DMD: variants seen among roughly 807,000 people sequenced by gnomAD.
DMD encodes the protein dystrophin.
In DMD, 63 loss-of-function variants were observed where a neutral mutation model predicts 330.1. That is an observed-to-expected ratio of 0.19 (90% confidence interval 0.16 to 0.24). The LOEUF is 0.24. Among genes scored for constraint, DMD ranks in the 10% least tolerant of loss-of-function variants. The probability of loss-of-function intolerance (pLI) is 1.00; values close to 1 mark genes in which losing one functional copy is unlikely to be tolerated. For missense variants in DMD, 3,344 were observed against 2,684.1 expected (o/e 1.25, Z -5.43); for synonymous variants, 1,223 against 959.8 (o/e 1.27, Z -5.07).
intron 43 of DMD, among the ~76,000 whole-genome samples, chrX:32,233,528 TA>T (rs10710940): frequency 0.39 from 42,423 of 109,828 alleles, 6,400 homozygotes; most frequent in African/African-American, 0.46. Context: ...TACAATAAAT[TA>T]AAAAAACTTC....
intron 18 of DMD, among the ~76,000 whole-genome samples, chrX:32,503,080 A>G (rs1276502035): frequency 8.9e-6 from 1 of 112,510 alleles, no homozygotes; most frequent in Non-Finnish European, 1.9e-5. Context: ...TACAGCGCAG[A>G]TCTAATACAT....
chrX:31,598,126 A>T (rs2077192607), intron 55 of DMD, among the ~76,000 whole-genome samples: 1 of 107,684 alleles, frequency 9.3e-6, no homozygotes, highest in African/African-American at 3.4e-5. Context: ...TTTTTAATTG[A>T]GAGAGAGAGG....
At chrX:31,792,725 T>A (rs2091633441) in intron 50 of DMD, among the ~76,000 whole-genome samples, 1 of 111,718 alleles carries the variant, frequency 9.0e-6, no homozygotes, top group Non-Finnish European at 1.9e-5. Flanking sequence ...CTGGAGTGCA[T>A]GAGCACTGGA....
intron 29 of DMD, among the ~76,000 whole-genome samples, chrX:32,427,797 T>C (rs1263839294): frequency 9.0e-6 from 1 of 111,483 alleles, no homozygotes; most frequent in Non-Finnish European, 1.9e-5. Context: ...AATTTGTGAT[T>C]AAATTTCTGT....
chrX:31,139,508 C>T (rs901777717), intron 76 of DMD, among the ~76,000 whole-genome samples: 1 of 108,088 alleles, frequency 9.3e-6, no homozygotes, highest in Non-Finnish European at 1.9e-5. Flanking sequence ...CACACACACA[C>T]GCCATGGAAT....
chrX:32,097,054 A>AT (rs199593842), intron 44 of DMD, among the ~76,000 whole-genome samples: 206 of 111,039 alleles, frequency 1.9e-3, no homozygotes, highest in East Asian at 0.016. Flanking sequence ...ATTAATGAAC[A>AT]TTTTTTTTGG....
At chrX:32,732,715 G>C (rs892405440) in intron 7 of DMD, among the ~76,000 whole-genome samples, 2 of 110,738 alleles carry the variant, frequency 1.8e-5, no homozygotes, top group East Asian at 2.8e-4. Flanking sequence ...CAAATGCTGA[G>C]AGATTTTGTC....
At chrX:32,917,872 A>C (rs1480670742) in intron 2 of DMD, among the ~76,000 whole-genome samples, 2 of 110,858 alleles carry the variant, frequency 1.8e-5, no homozygotes, top group African/African-American at 6.6e-5. Flanking sequence ...GCTCTGCCTG[A>C]CAAGAAGGAA....
At chrX:32,575,118 G>A (rs2052886961) in intron 13 of DMD, among the ~76,000 whole-genome samples, 1 of 110,560 alleles carries the variant, frequency 9.0e-6, no homozygotes, top group Admixed American at 9.6e-5. Flanking sequence ...GGCTGCTCTC[G>A]AACTCCTGAC....
intron 25 of DMD, among the ~76,000 whole-genome samples, chrX:32,461,984 A>C: frequency 9.1e-6 from 1 of 110,226 alleles, no homozygotes; most frequent in Non-Finnish European, 1.9e-5. Context: ...TTTCATTTTC[A>C]AATGTAGCTT....
chrX:32,580,684 A>G (rs770857784), intron 13 of DMD, among the ~76,000 whole-genome samples: 69 of 112,200 alleles, frequency 6.1e-4, no homozygotes, highest in Non-Finnish European at 1.1e-3. Context: ...AATATAGAAC[A>G]CAGTGAAACA....
rs1424307939 is a variant in DMD, at chrX:32,208,904, G to T, written c.6438+8012C>A. On this transcript the variant is annotated intron_variant, in intron 44 of 78. Transcript: ENST00000357033. ...TTTAAGTGCTCTGTACACAGAAGAG[G>T]TGAAGGAAGCTCAATGTAAGAGAGA... 3.6e-5 allele frequency among the ~76,000 whole-genome samples: 4 copies of T among 111,711 alleles called. No individual in the cohort carries two copies. The East Asian group carries it at 1.1e-3, about 31-fold the overall frequency.
chrX:32,677,036 GTTTT>G (rs2062019422), intron 9 of DMD, among the ~76,000 whole-genome samples: 1 of 110,983 alleles, frequency 9.0e-6, no homozygotes, highest in Non-Finnish European at 1.9e-5. Context: ...TAAATTACAT[GTTTT>G]ATTTATTTTT....
At chrX:32,510,740 C>G (rs228324) in intron 18 of DMD, among the ~76,000 whole-genome samples, 1 of 110,199 alleles carries the variant, frequency 9.1e-6, no homozygotes, top group Non-Finnish European at 1.9e-5. Context: ...TACATGGGGA[C>G]AGGTGCTGCA....
chrX:31,663,377 T>C (rs1335688132), intron 53 of DMD, among the ~76,000 whole-genome samples: 1 of 111,063 alleles, frequency 9.0e-6, no homozygotes, highest in Non-Finnish European at 1.9e-5. Flanking sequence ...CACTGTCCTC[T>C]GTTGGGTTTG....
intron 1 of DMD, among the ~76,000 whole-genome samples, chrX:33,231,254 T>C (rs956170531): frequency 1.8e-5 from 2 of 111,307 alleles, no homozygotes; most frequent in Non-Finnish European, 3.8e-5. Context: ...GTCATATGAT[T>C]CCTGATTTAA....
chrX:31,866,454 C>A (rs994021066), intron 48 of DMD, among the ~76,000 whole-genome samples: 6 of 112,001 alleles, frequency 5.4e-5, no homozygotes, highest in Non-Finnish European at 1.1e-4. Context: ...TTTTAGAACA[C>A]AGCCTCCATA....
At chrX:31,900,577 G>A (rs767780549) in intron 47 of DMD, among the ~76,000 whole-genome samples, 63 of 111,492 alleles carry the variant, frequency 5.7e-4, no homozygotes, top group African/African-American at 2.0e-3. Context: ...TATCCGCAGT[G>A]TGAAAATGGA....
chrX:32,331,987 T>C (rs1050443657), intron 41 of DMD, among the ~76,000 whole-genome samples: 1 of 111,645 alleles, frequency 9.0e-6, no homozygotes, highest in Non-Finnish European at 1.9e-5. Flanking sequence ...TTAATGTTCT[T>C]AAACCTCAGT....
Sources: allele counts gnomAD v4.1 joint callset (sites outside exome capture counted in the v4.1 genomes callset), GRCh38; gene constraint gnomAD v4.1.1; transcripts MANE v1.5; gene names NCBI Gene and HGNC (gene_info 2026-07-23, HGNC 2026-07-21).